GPHN: variants seen among roughly 807,000 people sequenced by gnomAD.
The protein encoded by GPHN is gephyrin.
GPHN carries 17 observed loss-of-function variants against 95.5 expected under a neutral mutation model. The observed-to-expected ratio is 0.18, with a 90% CI of 0.12 to 0.27. GPHN has a LOEUF of 0.27. GPHN is among the 10% of genes least tolerant of loss of function. The pLI, the probability that GPHN is intolerant of heterozygous loss-of-function variation, is 1.00. For synonymous variants in GPHN, 320 were observed against 322.5 expected (o/e 0.99, Z 0.08); for missense variants, 660 against 978.1 (o/e 0.67, Z 4.34).
At chr14:66,816,330 G>A (rs929855407) in intron 3 of GPHN, among the ~76,000 whole-genome samples, 5 of 152,018 alleles carry the variant, frequency 3.3e-5, no homozygotes, top group East Asian at 1.9e-4. Flanking sequence ...AACTCTCCAC[G>A]TAAAAACAAC....
At chr14:66,920,694 C>T (rs556798351) in intron 6 of GPHN, among the ~76,000 whole-genome samples, 13 of 151,582 alleles carry the variant, frequency 8.6e-5, no homozygotes, top group South Asian at 2.1e-4. Flanking sequence ...CACCCTTCAC[C>T]GAGAGGTATA....
chr14:66,515,800 A>T (rs2058217779), intron 1 of GPHN, among the ~76,000 whole-genome samples: 1 of 152,238 alleles, frequency 6.6e-6, no homozygotes, highest in South Asian at 2.1e-4. Flanking sequence ...TAAGTGAAGG[A>T]TACAATAGTG....
chr14:66,953,848 A>G (rs937821034), intron 8 of GPHN, among the ~76,000 whole-genome samples: 2 of 152,080 alleles, frequency 1.3e-5, no homozygotes, highest in Admixed American at 6.6e-5. Context: ...CTCTGGCCAA[A>G]ATGGTGAAAC....
chr14:67,507,523 A>T, the GPHN span, among the ~76,000 whole-genome samples: 1 of 151,908 alleles, frequency 6.6e-6, no homozygotes, highest in East Asian at 1.9e-4. Context: ...GTCACAGCTC[A>T]TTGCAGCCTC....
chr14:66,553,540 T>C (rs1193776129), intron 1 of GPHN, among the ~76,000 whole-genome samples: 2 of 152,118 alleles, frequency 1.3e-5, no homozygotes, highest in African/African-American at 4.8e-5. Flanking sequence ...AACGTCAATA[T>C]ACTGTTAATC....
chr14:67,540,971 T>C, the GPHN span, among the ~76,000 whole-genome samples: 1 of 152,184 alleles, frequency 6.6e-6, no homozygotes, highest in Non-Finnish European at 1.5e-5. Flanking sequence ...TCTACTTGAT[T>C]TGTTCTGAAT....
chr14:66,681,661 G>T (rs1277112262), intron 2 of GPHN, among the ~76,000 whole-genome samples: 2 of 152,068 alleles, frequency 1.3e-5, no homozygotes, highest in African/African-American at 4.8e-5. Context: ...TGGAGAGTTT[G>T]ATAGATTTCA....
intron 6 of GPHN, among the ~76,000 whole-genome samples, chr14:66,918,363 C>A (rs1200216239): frequency 6.6e-6 from 1 of 151,980 alleles, no homozygotes; most frequent in African/African-American, 2.4e-5. Flanking sequence ...GTGTGGCTGA[C>A]CTGTAATCTT....
the GPHN span, among the ~76,000 whole-genome samples, chr14:67,339,520 A>G: frequency 6.6e-6 from 1 of 151,898 alleles, no homozygotes. Flanking sequence ...CCTACCTCCC[A>G]TTTCTCTGAA....
the GPHN span, among the ~76,000 whole-genome samples, chr14:67,357,513 C>T: frequency 6.6e-6 from 1 of 152,204 alleles, no homozygotes; most frequent in African/African-American, 2.4e-5. Flanking sequence ...ATGAGCCTAT[C>T]ATTTTCTTAC....
chr14:67,406,913 A>G, the GPHN span, among the ~76,000 whole-genome samples: 1 of 152,144 alleles, frequency 6.6e-6, no homozygotes, highest in African/African-American at 2.4e-5. Context: ...CTGGGCAGAG[A>G]GTAGCTTCTC....
At chr14:66,534,189 G>C (rs1033743746) in intron 1 of GPHN, among the ~76,000 whole-genome samples, 1 of 152,106 alleles carries the variant, frequency 6.6e-6, no homozygotes, top group Non-Finnish European at 1.5e-5. Flanking sequence ...AGCATGGTGA[G>C]TTTTTTATGT....
chr14:66,684,606 A>T (rs1193216752), intron 2 of GPHN, among the ~76,000 whole-genome samples: 1 of 152,170 alleles, frequency 6.6e-6, no homozygotes, highest in East Asian at 1.9e-4. Flanking sequence ...TTTTACTGCC[A>T]TTGTAGTAAA....
chr14:67,569,032 C>G, the GPHN span: 10 of 694,660 alleles, frequency 1.4e-5, 1 homozygote, highest in East Asian at 1.1e-4. Context: ...CACTGCCCCC[C>G]ACAGGTCTGC....
At chr14:66,691,280 G>A (rs1042202293) in intron 2 of GPHN, among the ~76,000 whole-genome samples, 100 of 152,110 alleles carry the variant, frequency 6.6e-4, no homozygotes, top group African/African-American at 2.4e-3. Context: ...CGCCTCCTGG[G>A]TTCAAGCGAT....
the GPHN span, among the ~76,000 whole-genome samples, chr14:67,319,044 C>A: frequency 2.8e-4 from 42 of 148,016 alleles, no homozygotes; most frequent in African/African-American, 1.0e-3. Context: ...GGCGACAGAG[C>A]GAGACTCCGT....
chr14:66,711,587 C>CTTT (rs57175111), intron 2 of GPHN, among the ~76,000 whole-genome samples: 7 of 130,954 alleles, frequency 5.3e-5, no homozygotes, highest in Admixed American at 2.2e-4. Context: ...AATGGTAGTT[C>CTTT]TTTTTTTTTT....
chr14:67,325,652 A>C, the GPHN span, among the ~76,000 whole-genome samples: 10 of 152,302 alleles, frequency 6.6e-5, no homozygotes, highest in Non-Finnish European at 1.3e-4. Flanking sequence ...AAGGATGCGC[A>C]CTAAGGACCA....
intron 2 of GPHN, among the ~76,000 whole-genome samples, chr14:66,701,417 CA>C (rs1424188069): frequency 6.6e-6 from 1 of 152,148 alleles, no homozygotes; most frequent in East Asian, 1.9e-4. Context: ...ATGCTCCCAT[CA>C]AAAAGAACCA....
Sources: gnomAD v4.1 joint callset for allele counts (sites outside exome capture counted in the v4.1 genomes callset) on GRCh38, gnomAD v4.1.1 for gene constraint, MANE v1.5 for transcripts, NCBI Gene and HGNC (gene_info 2026-07-23, HGNC 2026-07-21) for gene names.